Variants in NAA11 observed in about 807,000 individuals in gnomAD.
NAA11 encodes the protein N-alpha-acetyltransferase 11.
In NAA11, 15 loss-of-function variants were observed where a neutral mutation model predicts 16.1. That is an observed-to-expected ratio of 0.93 (90% CI 0.62 to 1.44). The LOEUF is 1.44. Among genes scored for constraint, NAA11 ranks in the 40% most tolerant of loss-of-function variants. The probability of loss-of-function intolerance (pLI) is 0.00; values close to 1 mark genes in which losing one functional copy is unlikely to be tolerated. For missense variants in NAA11, 298 were observed against 291.3 expected (o/e 1.02, Z -0.17); for synonymous variants, 122 against 112.4 (o/e 1.09, Z -0.54).
chr4:79,241,456 T>C (rs997668189), intron 2 of NAA11, among the ~76,000 whole-genome samples: 1 of 148,532 alleles, frequency 6.7e-6, no homozygotes, highest in African/African-American at 2.5e-5. Context: ...CTCTAACCTC[T>C]TTGTTGTTCA....
intron 2 of NAA11, among the ~76,000 whole-genome samples, chr4:79,280,881 T>C (rs1179045483): frequency 6.6e-6 from 1 of 152,072 alleles, no homozygotes; most frequent in Non-Finnish European, 1.5e-5. Flanking sequence ...GAGGAAAGCC[T>C]TGAAAGACAG....
At chr4:79,309,714 C>CTT (rs71662804) in intron 1 of NAA11, among the ~76,000 whole-genome samples, 889 of 81,456 alleles carry the variant, frequency 0.011, 29 homozygotes, top group South Asian at 0.02. Flanking sequence ...TTTTTTTTTT[C>CTT]TTTTTTTTTT....
At chr4:79,210,306 CAG>C in the NAA11 span, among the ~76,000 whole-genome samples, 1 of 152,090 alleles carries the variant, frequency 6.6e-6, no homozygotes, top group Admixed American at 6.6e-5. Flanking sequence ...GGAGGGGTCA[CAG>C]GGCACAGTGT....
At chr4:79,191,571 C>T in the NAA11 span, among the ~76,000 whole-genome samples, 1 of 152,034 alleles carries the variant, frequency 6.6e-6, no homozygotes, top group Non-Finnish European at 1.5e-5. Flanking sequence ...CTTTTAGATG[C>T]TGGATATTAG....
the NAA11 span, among the ~76,000 whole-genome samples, chr4:79,202,620 G>GTT: frequency 1.5e-4 from 2 of 13,014 alleles, no homozygotes; most frequent in South Asian, 7.4e-3. Context: ...GTTATATATA[G>GTT]TTTTATATAT....
intron 2 of NAA11, among the ~76,000 whole-genome samples, chr4:79,254,404 AG>A (rs1722057700): frequency 6.6e-6 from 1 of 152,200 alleles, no homozygotes; most frequent in Non-Finnish European, 1.5e-5. Context: ...GCACTAAGAG[AG>A]AAAATTAAAA....
the NAA11 span, among the ~76,000 whole-genome samples, chr4:79,214,727 G>A: frequency 6.6e-6 from 1 of 152,144 alleles, no homozygotes; most frequent in African/African-American, 2.4e-5. Flanking sequence ...TGAACCAGGA[G>A]GCAGAGCTTG....
intron 2 of NAA11, among the ~76,000 whole-genome samples, chr4:79,291,755 A>T (rs936226614): frequency 1.3e-5 from 2 of 151,606 alleles, no homozygotes; most frequent in East Asian, 1.9e-4. Context: ...AATGTAAAAT[A>T]AAAAAAAATC....
intron 1 of NAA11, among the ~76,000 whole-genome samples, chr4:79,303,076 TTATATATATATA>T (rs59261096): frequency 0.15 from 10,328 of 67,378 alleles, 885 homozygotes; most frequent in Admixed American, 0.19. Context: ...TTGAGGCCTT[TTATATATATATA>T]TATATATATA....
chr4:79,176,345 A>G, the NAA11 span, among the ~76,000 whole-genome samples: 699 of 152,244 alleles, frequency 4.6e-3, 4 homozygotes, highest in Non-Finnish European at 7.1e-3. Context: ...AACAGAACCA[A>G]TGGGATATGT....
the NAA11 span, among the ~76,000 whole-genome samples, chr4:79,190,208 A>G: frequency 6.6e-6 from 1 of 152,208 alleles, no homozygotes; most frequent in Non-Finnish European, 1.5e-5. Context: ...GTGCACTGCA[A>G]AACTAAAGGA....
chr4:79,186,426 ACTT>A, the NAA11 span, among the ~76,000 whole-genome samples: 1 of 152,196 alleles, frequency 6.6e-6, no homozygotes, highest in Non-Finnish European at 1.5e-5. Context: ...ATAGGGGAAA[ACTT>A]CTTTTCTATT....
chr4:79,228,394 T>C (rs747772694), intron 2 of NAA11, among the ~76,000 whole-genome samples: 1 of 151,996 alleles, frequency 6.6e-6, no homozygotes, highest in Non-Finnish European at 1.5e-5. Flanking sequence ...GGTGCACAGT[T>C]CTATTTGTTT....
At chr4:79,161,512 A>C in the NAA11 span, among the ~76,000 whole-genome samples, 1 of 152,312 alleles carries the variant, frequency 6.6e-6, no homozygotes, top group East Asian at 1.9e-4. Context: ...GGATTCCTTA[A>C]ATTTTAATGT....
the NAA11 span, among the ~76,000 whole-genome samples, chr4:79,218,046 A>C: frequency 1.3e-5 from 2 of 152,178 alleles, no homozygotes; most frequent in African/African-American, 2.4e-5. Flanking sequence ...TGCAGAATTT[A>C]AAACTGAATA....
At chr4:79,222,381 C>T (rs1455539245), downstream of NAA11, among the ~76,000 whole-genome samples, 1 of 151,754 alleles carries the variant, frequency 6.6e-6, no homozygotes, top group African/African-American at 2.4e-5. Flanking sequence ...CTGAGAAAAA[C>T]AAGCAATGGG....
the NAA11 span, among the ~76,000 whole-genome samples, chr4:79,156,256 C>A: frequency 2.0e-5 from 3 of 151,792 alleles, no homozygotes; most frequent in Non-Finnish European, 4.4e-5. Context: ...AACCTTATAG[C>A]TTTACAGGGC....
chr4:79,208,938 A>C, the NAA11 span, among the ~76,000 whole-genome samples: 1 of 148,754 alleles, frequency 6.7e-6, no homozygotes, highest in African/African-American at 2.4e-5. Context: ...AAAAAAAAAA[A>C]AAAAAAAAAC....
chr4:79,258,663 C>G (rs62310539), intron 2 of NAA11: 8,888 of 152,440 alleles, frequency 0.058, 341 homozygotes, highest in Non-Finnish European at 0.085. Context: ...AGGAGGTAGA[C>G]AGGGTCCTGG....
Sources: gnomAD v4.1 joint callset for allele counts (sites outside exome capture counted in the v4.1 genomes callset) on GRCh38, gnomAD v4.1.1 for gene constraint, MANE v1.5 for transcripts, NCBI Gene and HGNC (gene_info 2026-07-23, HGNC 2026-07-21) for gene names.